RBFOX1: variants seen among roughly 807,000 people sequenced by gnomAD.
RBFOX1 encodes the protein RNA binding protein fox-1 homolog 1.
In RBFOX1, 8 loss-of-function variants were observed where a neutral mutation model predicts 57.7. That is an observed-to-expected ratio of 0.14 (90% CI 0.08 to 0.25). RBFOX1 has a LOEUF of 0.25. Ranked by LOEUF, RBFOX1 falls within the 10% of genes least tolerant of loss-of-function variation. The pLI, the probability that RBFOX1 is intolerant of heterozygous loss-of-function variation, is 1.00. For synonymous variants in RBFOX1, 326 were observed against 222.4 expected (o/e 1.47, Z -4.15); for missense variants, 611 against 548.5 (o/e 1.11, Z -1.14).
At chr16:6,738,870 A>T (rs1041949053) in intron 3 of RBFOX1, among the ~76,000 whole-genome samples, 4 of 152,220 alleles carry the variant, frequency 2.6e-5, no homozygotes, top group African/African-American at 7.2e-5. Flanking sequence ...GCTAAACAGT[A>T]AACTTCTCAG....
intron 3 of RBFOX1, among the ~76,000 whole-genome samples, chr16:5,842,222 C>T (rs1039076708): frequency 1.3e-5 from 2 of 152,072 alleles, no homozygotes; most frequent in Non-Finnish European, 2.9e-5. Flanking sequence ...TTCTCAGCAC[C>T]GAGAGAATGG....
intron 2 of RBFOX1, among the ~76,000 whole-genome samples, chr16:6,470,670 T>G (rs1217934942): frequency 6.6e-6 from 1 of 152,222 alleles, no homozygotes; most frequent in Non-Finnish European, 1.5e-5. Context: ...GCCTCTTATC[T>G]TTCCCAGGTA....
chr16:6,249,147 C>T (rs567608462), intron 1 of RBFOX1, among the ~76,000 whole-genome samples: 1 of 152,238 alleles, frequency 6.6e-6, no homozygotes, highest in African/African-American at 2.4e-5. Context: ...AGAAAGACTT[C>T]CATGAGAAGG....
At chr16:7,353,170 C>A (rs561531012) in intron 4 of RBFOX1, among the ~76,000 whole-genome samples, 3 of 152,228 alleles carry the variant, frequency 2.0e-5, no homozygotes, top group South Asian at 4.1e-4. Context: ...ATTTTTGTAG[C>A]CTAAATTGAT....
chr16:7,249,619 G>A lies in RBFOX1; in HGVS notation c.27+197521G>A, dbSNP rs973841440. Among the ~76,000 whole-genome samples, 4 of 150,292 alleles carry A rather than the reference G, an allele frequency of 2.7e-5. No individual in the cohort carries two copies. In the East Asian group the frequency reaches 7.8e-4, roughly 29 times the overall value. On this transcript the variant is annotated intron_variant, in intron 4 of 15. Coordinates refer to ENST00000550418, the MANE Select transcript of RBFOX1 (RefSeq NM_018723.4). Reference sequence around the variant, plus strand: ...CTTTCTTTAAAAAAAAAAAGAGCCTGTAAGAATAATGAAAGGGCTGAAGAA... The same window carrying A: ...CTTTCTTTAAAAAAAAAAAGAGCCTATAAGAATAATGAAAGGGCTGAAGAA...
At chr16:6,350,443 A>AG (rs1567992682) in intron 2 of RBFOX1, among the ~76,000 whole-genome samples, 3 of 87,424 alleles carry the variant, frequency 3.4e-5, no homozygotes, top group South Asian at 4.8e-4. Context: ...CTCTGTCTCA[A>AG]GAAAAAAAAA....
chr16:7,120,821 ATG>A (rs145129348), intron 4 of RBFOX1, among the ~76,000 whole-genome samples: 15,395 of 92,154 alleles, frequency 0.17, 1,144 homozygotes, highest in East Asian at 0.41. Flanking sequence ...TATTTTATAT[ATG>A]TATATATACA....
chr16:6,763,142 G>C (rs533909753), intron 3 of RBFOX1, among the ~76,000 whole-genome samples: 1 of 152,250 alleles, frequency 6.6e-6, no homozygotes, highest in African/African-American at 2.4e-5. Flanking sequence ...AGTTTTTTCA[G>C]GGCAGAAACT....
chr16:5,625,341 C>T lies in RBFOX1; in HGVS notation c.318+26380C>T, dbSNP rs147243190. ...GGTCCCCAGCTGTCAGGGGCTGCTC[C>T]ACTCTGATGCTCACTGCAGTTCTCA... On this transcript the variant is annotated intron_variant, in intron 3 of 19. Coordinates refer to the RBFOX1 transcript ENST00000641259. Among the ~76,000 whole-genome samples, 585 of 152,104 alleles carry T rather than the reference C, an allele frequency of 3.8e-3. 5 individuals carry two copies. Among genetic ancestry groups the T allele is most frequent in the African/African-American group, 0.013 (535 of 41,478 alleles).
At chr16:5,665,810 C>A (rs1017053583) in intron 3 of RBFOX1, among the ~76,000 whole-genome samples, 1 of 152,204 alleles carries the variant, frequency 6.6e-6, no homozygotes, top group African/African-American at 2.4e-5. Context: ...GGGTTTATAC[C>A]CACGTGCTGC....
chr16:5,423,396 C>T (rs553887004), intron 1 of RBFOX1, among the ~76,000 whole-genome samples: 9 of 152,244 alleles, frequency 5.9e-5, no homozygotes, highest in Admixed American at 3.9e-4. Context: ...ACAACAAATG[C>T]AACCAAGATT....
intron 4 of RBFOX1, among the ~76,000 whole-genome samples, chr16:5,980,815 A>G (rs533358427): frequency 6.6e-6 from 1 of 152,050 alleles, no homozygotes; most frequent in Non-Finnish European, 1.5e-5. Context: ...TTAGCACCAG[A>G]GGGAGCAGAC....
intron 3 of RBFOX1, among the ~76,000 whole-genome samples, chr16:5,723,300 A>G (rs1363146172): frequency 4.6e-5 from 7 of 152,194 alleles, no homozygotes; most frequent in Non-Finnish European, 1.0e-4. Context: ...CTGCCATTGG[A>G]GAAGCTTGGG....
intron 3 of RBFOX1, among the ~76,000 whole-genome samples, chr16:5,782,674 G>A (rs944511329): frequency 1.3e-5 from 2 of 152,180 alleles, no homozygotes; most frequent in Admixed American, 1.3e-4. Flanking sequence ...GTGTATGCAT[G>A]CATGTGCGTT....
chr16:5,415,347 C>A (rs1029354903), intron 1 of RBFOX1, among the ~76,000 whole-genome samples: 2 of 152,236 alleles, frequency 1.3e-5, no homozygotes, highest in East Asian at 3.9e-4. Context: ...CTTGCTATCA[C>A]GAGAACAGCA....
rs1419175284 is a variant in RBFOX1 at position 6,931,337 on chromosome 16, C to CTATCTATCTCTA, written c.-15-120719_-15-120718insATCTATCTCTAT. On this transcript the variant is annotated intron_variant, in intron 3 of 15. Transcript: ENST00000550418. Reference sequence around the variant, plus strand: ...TCTATCTATCTATCTATCTATCTATCTCTACACACACACACACACACACAC... The same window carrying CTATCTATCTCTA: ...TCTATCTATCTATCTATCTATCTATCTATCTATCTCTATCTACACACACACACACACACACAC... 8.2e-4 allele frequency among the ~76,000 whole-genome samples: 90 copies of CTATCTATCTCTA among 110,276 alleles called. 1 individual carries two copies. The highest frequency in any genetic ancestry group is 2.7e-3 in the African/African-American group (85 of 31,280). The allele number at this position is 110,276 out of a possible 152,430, so 72.3% of individuals were successfully genotyped here. A position where few individuals can be genotyped will look rare whatever the true frequency, so the allele number is the denominator to read the frequency against.
At chr16:5,878,914 A>G (rs2057690779) in intron 4 of RBFOX1, among the ~76,000 whole-genome samples, 1 of 152,212 alleles carries the variant, frequency 6.6e-6, no homozygotes, top group South Asian at 2.1e-4. Flanking sequence ...TAATGTAATT[A>G]GTTTGCAAAA....
chr16:6,225,627 A>G (rs575764060), intron 1 of RBFOX1, among the ~76,000 whole-genome samples: 16 of 152,332 alleles, frequency 1.1e-4, no homozygotes, highest in African/African-American at 3.8e-4. Flanking sequence ...AAGAAAGGGA[A>G]TTGCTCACAA....
chr16:6,247,984 A>G (rs2097578714), intron 1 of RBFOX1, among the ~76,000 whole-genome samples: 1 of 152,190 alleles, frequency 6.6e-6, no homozygotes, highest in Non-Finnish European at 1.5e-5. Flanking sequence ...GTGTTCTGAC[A>G]TTGATGTTAC....
Sources: allele counts gnomAD v4.1 joint callset (sites outside exome capture counted in the v4.1 genomes callset), GRCh38; gene constraint gnomAD v4.1.1; transcripts MANE v1.5; gene names NCBI Gene and HGNC (gene_info 2026-07-23, HGNC 2026-07-21).